The following SGCZ variants were observed in gnomAD, a reference collection of about 807,000 sequenced individuals.
SGCZ encodes the protein sarcoglycan zeta.
SGCZ carries 40 observed loss-of-function variants against 41.3 expected under a neutral mutation model. That is an observed-to-expected ratio of 0.97 (90% CI 0.75 to 1.26). SGCZ has a LOEUF of 1.26. Among genes scored for constraint, SGCZ ranks in the 50% most tolerant of loss-of-function variants. SGCZ has a pLI of 0.00. For missense variants in SGCZ, 552 were observed against 369.8 expected, an observed-to-expected ratio of 1.49 and a Z score of -4.04; for synonymous variants, 206 against 137.5, an observed-to-expected ratio of 1.50 and a Z score of -3.49.
chr8:14,676,151 A>G (rs377080457), intron 1 of SGCZ, among the ~76,000 whole-genome samples: 19 of 152,360 alleles, frequency 1.2e-4, no homozygotes, highest in African/African-American at 4.6e-4. Flanking sequence ...CTCCTAACAC[A>G]TGATATAATG....
At chr8:14,814,271 C>T (rs1211838865) in intron 1 of SGCZ, among the ~76,000 whole-genome samples, 1 of 152,136 alleles carries the variant, frequency 6.6e-6, no homozygotes, top group African/African-American at 2.4e-5. Context: ...GCCTCTACCT[C>T]CTTAAATGGT....
intron 1 of SGCZ, among the ~76,000 whole-genome samples, chr8:14,804,665 A>T (rs1407897590): frequency 1.4e-5 from 2 of 141,876 alleles, no homozygotes; most frequent in African/African-American, 2.5e-5. Flanking sequence ...ACAGGATATT[A>T]TCCAGGAGAA....
chr8:14,533,424 T>C (rs1261792720), intron 2 of SGCZ, among the ~76,000 whole-genome samples: 2 of 152,088 alleles, frequency 1.3e-5, no homozygotes, highest in Admixed American at 1.3e-4. Context: ...TATTGAATTA[T>C]ATTCATTATT....
intron 1 of SGCZ, among the ~76,000 whole-genome samples, chr8:14,977,099 C>T (rs1467235987): frequency 1.3e-5 from 2 of 152,182 alleles, no homozygotes; most frequent in Admixed American, 6.5e-5. Context: ...CTCCTTTTCA[C>T]GGAAAGTATT....
intron 2 of SGCZ, among the ~76,000 whole-genome samples, chr8:14,326,713 C>T (rs917952526): frequency 6.6e-6 from 1 of 152,120 alleles, no homozygotes; most frequent in Non-Finnish European, 1.5e-5. Flanking sequence ...AAAATACATA[C>T]ATTTCTGTTA....
intron 2 of SGCZ, among the ~76,000 whole-genome samples, chr8:14,346,039 A>G (rs551044062): frequency 6.6e-6 from 1 of 152,102 alleles, no homozygotes; most frequent in Admixed American, 6.6e-5. Flanking sequence ...AACCCCCTAG[A>G]ATATACAACA....
intron 3 of SGCZ, among the ~76,000 whole-genome samples, chr8:14,303,343 G>T (rs1298307239): frequency 6.6e-6 from 1 of 151,912 alleles, no homozygotes; most frequent in African/African-American, 2.4e-5. Flanking sequence ...TTACTTTGAA[G>T]ATAAAATTTA....
intron 2 of SGCZ, among the ~76,000 whole-genome samples, chr8:14,389,750 G>A (rs550906812): frequency 1.2e-4 from 19 of 152,020 alleles, no homozygotes; most frequent in African/African-American, 4.3e-4. Context: ...GCAAACATCT[G>A]GCTAAAACTG....
At chr8:14,458,792 G>T (rs1332712743) in intron 2 of SGCZ, among the ~76,000 whole-genome samples, 1 of 152,024 alleles carries the variant, frequency 6.6e-6, no homozygotes. Flanking sequence ...GAAGCAATGA[G>T]GACACCAAAC....
In SGCZ at chr8:15,058,583, T is replaced by C. The variant is rs554446269; in HGVS notation, c.39+179002A>G. Among the ~76,000 whole-genome samples the C allele has an allele frequency of 8.8e-4, 134 of 152,336 alleles. 1 individual carries two copies. Among genetic ancestry groups the C allele is most frequent in the Admixed American group, 3.9e-3 (60 of 15,304 alleles). Reference sequence around the variant, plus strand: ...AGATTTGTCAAACACCTTTTGACTGTGCTTAATAGACAAATTTATTAGATT... The same window carrying C: ...AGATTTGTCAAACACCTTTTGACTGCGCTTAATAGACAAATTTATTAGATT... On this transcript the variant is annotated intron_variant, in intron 1 of 7. Transcript: ENST00000382080.
chr8:14,167,954 G>A (rs1804258180), intron 4 of SGCZ, among the ~76,000 whole-genome samples: 1 of 152,110 alleles, frequency 6.6e-6, no homozygotes, highest in Admixed American at 6.5e-5. Flanking sequence ...CTTCAAAGAG[G>A]CTCAAATATA....
intron 2 of SGCZ, among the ~76,000 whole-genome samples, chr8:14,461,028 G>A (rs1800887155): frequency 1.3e-5 from 2 of 151,948 alleles, no homozygotes; most frequent in South Asian, 4.2e-4. Context: ...TCATCCCATA[G>A]CACTTGGAGA....
intron 2 of SGCZ, among the ~76,000 whole-genome samples, chr8:14,454,528 A>G (rs1406276507): frequency 6.6e-6 from 1 of 152,186 alleles, no homozygotes; most frequent in Non-Finnish European, 1.5e-5. Context: ...AATAATCTAT[A>G]TTAGGGAGTT....
In SGCZ at chr8:14,457,055, G is replaced by A. The variant is rs578065206; in HGVS notation, c.234+97677C>T. Among the ~76,000 whole-genome samples, 11 of 152,260 alleles carry A rather than the reference G, an allele frequency of 7.2e-5. 1 individual carries two copies. The highest frequency in any genetic ancestry group is 1.5e-4 in the Non-Finnish European group (10 of 68,026). On this transcript the variant is annotated intron_variant, in intron 2 of 7. Coordinates refer to ENST00000382080, the MANE Select transcript of SGCZ (RefSeq NM_139167.4). ...CACCGAGGCAAGAGACAGAGAACAC[G>A]AGCTGTTCCAGTATAATAAAATATA...
At chr8:14,614,571 C>A (rs558349569) in intron 1 of SGCZ, among the ~76,000 whole-genome samples, 151 of 152,208 alleles carry the variant, frequency 9.9e-4, no homozygotes, top group Middle Eastern at 3.4e-3. Context: ...TGAATAGTAG[C>A]TTGAACCATC....
At chr8:14,371,904 T>C (rs1323283959) in intron 2 of SGCZ, among the ~76,000 whole-genome samples, 1 of 152,068 alleles carries the variant, frequency 6.6e-6, no homozygotes, top group Non-Finnish European at 1.5e-5. Context: ...TTAAAGAAGA[T>C]GGAGATCAAT....
intron 1 of SGCZ, among the ~76,000 whole-genome samples, chr8:15,128,643 A>G (rs1241411621): frequency 6.6e-6 from 1 of 152,124 alleles, no homozygotes; most frequent in East Asian, 1.9e-4. Flanking sequence ...AAGTTAATAA[A>G]TCCTCCCATA....
At chr8:14,475,296 A>C (rs537359719) in intron 2 of SGCZ, among the ~76,000 whole-genome samples, 1 of 152,310 alleles carries the variant, frequency 6.6e-6, no homozygotes, top group Non-Finnish European at 1.5e-5. Context: ...CCAATTCATA[A>C]TAAAAGAATT....
chr8:14,803,084 C>G (rs1265615653), intron 1 of SGCZ, among the ~76,000 whole-genome samples: 1 of 152,158 alleles, frequency 6.6e-6, no homozygotes, highest in African/African-American at 2.4e-5. Context: ...ATTTTACCAC[C>G]CATGGGGCCT....
Sources: allele counts gnomAD v4.1 joint callset (sites outside exome capture counted in the v4.1 genomes callset), GRCh38; gene constraint gnomAD v4.1.1; transcripts MANE v1.5; gene names NCBI Gene and HGNC (gene_info 2026-07-23, HGNC 2026-07-21).